ARB2A: variants seen among roughly 807,000 people sequenced by gnomAD.
The protein encoded by ARB2A is ARB2 cotranscriptional regulator A.
At chr5:93,982,243 A>G in the ARB2A span, among the ~76,000 whole-genome samples, 3 of 152,152 alleles carry the variant, frequency 2.0e-5, no homozygotes, top group Non-Finnish European at 4.4e-5. Flanking sequence ...GAGTTTCAAA[A>G]TTAAATTAAA....
the ARB2A span, chr5:93,620,629 C>T: frequency 1.4e-4 from 26 of 191,326 alleles, no homozygotes; most frequent in African/African-American, 5.8e-4. Flanking sequence ...TCCGCTACGG[C>T]GGGCGCTAGG....
the ARB2A span, among the ~76,000 whole-genome samples, chr5:93,685,941 C>T: frequency 1.3e-5 from 2 of 152,114 alleles, no homozygotes; most frequent in African/African-American, 4.8e-5. Flanking sequence ...GAAAGAAATA[C>T]TAAACAAATA....
the ARB2A span, among the ~76,000 whole-genome samples, chr5:93,732,343 C>T: frequency 6.6e-6 from 1 of 152,132 alleles, no homozygotes; most frequent in Non-Finnish European, 1.5e-5. Flanking sequence ...AAAGAAGATT[C>T]TACTGTGTTA....
At chr5:93,791,816 C>T in the ARB2A span, among the ~76,000 whole-genome samples, 12 of 152,228 alleles carry the variant, frequency 7.9e-5, no homozygotes, top group South Asian at 2.3e-3. Flanking sequence ...TTTATTATTG[C>T]AGGCGGCCAG....
chr5:93,927,890 A>G, the ARB2A span, among the ~76,000 whole-genome samples: 1 of 152,176 alleles, frequency 6.6e-6, no homozygotes, highest in Non-Finnish European at 1.5e-5. Context: ...CTGATATCCA[A>G]TTATCAAATA....
At chr5:93,674,968 C>G in the ARB2A span, among the ~76,000 whole-genome samples, 1 of 152,234 alleles carries the variant, frequency 6.6e-6, no homozygotes, top group East Asian at 1.9e-4. Flanking sequence ...ATTTATGTCT[C>G]TTGGTTCAAA....
the ARB2A span, among the ~76,000 whole-genome samples, chr5:93,846,452 T>C: frequency 6.6e-6 from 1 of 151,840 alleles, no homozygotes; most frequent in African/African-American, 2.4e-5. Context: ...CAGAGAGCTA[T>C]GATTGTGTCA....
chr5:93,855,018 A>C, the ARB2A span, among the ~76,000 whole-genome samples: 1 of 152,030 alleles, frequency 6.6e-6, no homozygotes, highest in Non-Finnish European at 1.5e-5. Context: ...ATCCTTGTTA[A>C]CTTTCTGTCT....
the ARB2A span, among the ~76,000 whole-genome samples, chr5:94,043,303 T>C: frequency 6.6e-6 from 1 of 152,336 alleles, no homozygotes; most frequent in Non-Finnish European, 1.5e-5. Flanking sequence ...CGTTTTACAG[T>C]CAAGAAAACT....
At chr5:93,736,327 T>G in the ARB2A span, 4 of 152,234 alleles carry the variant, frequency 2.6e-5, no homozygotes, top group East Asian at 5.8e-4. Flanking sequence ...TGTTACAATT[T>G]GTTTATAATT....
the ARB2A span, among the ~76,000 whole-genome samples, chr5:93,935,817 G>A: frequency 1.3e-5 from 2 of 152,068 alleles, no homozygotes; most frequent in Non-Finnish European, 2.9e-5. Context: ...AGTTCAAAAT[G>A]ATTTAGAATT....
At chr5:93,790,046 C>T in the ARB2A span, among the ~76,000 whole-genome samples, 2 of 152,186 alleles carry the variant, frequency 1.3e-5, no homozygotes, top group South Asian at 4.1e-4. Flanking sequence ...AAGTTAAGTG[C>T]AATAGTTAAA....
chr5:93,921,057 C>G, the ARB2A span, among the ~76,000 whole-genome samples: 1 of 145,346 alleles, frequency 6.9e-6, no homozygotes, highest in Non-Finnish European at 1.5e-5. Context: ...CATGACATTA[C>G]AAGAAAAAGT....
At chr5:93,658,916 A>G in the ARB2A span, among the ~76,000 whole-genome samples, 1 of 148,564 alleles carries the variant, frequency 6.7e-6, no homozygotes, top group South Asian at 2.2e-4. Flanking sequence ...CTGTAGGGTG[A>G]CCAAAGGAAG....
chr5:93,896,527 A>G, the ARB2A span, among the ~76,000 whole-genome samples: 1 of 152,108 alleles, frequency 6.6e-6, no homozygotes, highest in Non-Finnish European at 1.5e-5. Flanking sequence ...ATATGCAAAT[A>G]CTGCAAAATC....
the ARB2A span, chr5:93,741,405 C>A: frequency 5.3e-5 from 85 of 1,613,276 alleles, no homozygotes; most frequent in Non-Finnish European, 6.1e-5. Flanking sequence ...CTGGGCAGAT[C>A]CCTGGCCTGA....
chr5:93,659,003 T>G, the ARB2A span, among the ~76,000 whole-genome samples: 2 of 152,012 alleles, frequency 1.3e-5, no homozygotes, highest in African/African-American at 4.8e-5. Flanking sequence ...AAAAACAATT[T>G]TATATGTCTT....
chr5:93,962,253 A>G, the ARB2A span, among the ~76,000 whole-genome samples: 12 of 152,340 alleles, frequency 7.9e-5, no homozygotes, highest in Non-Finnish European at 1.5e-4. Flanking sequence ...TCATTGTGGA[A>G]TACTCGTGAA....
At chr5:93,893,964 C>T in the ARB2A span, among the ~76,000 whole-genome samples, 1 of 152,266 alleles carries the variant, frequency 6.6e-6, no homozygotes, top group Admixed American at 6.5e-5. Context: ...TTCTAATAGG[C>T]ACTCAGCAGC....
Sources: gnomAD v4.1 joint callset for allele counts (sites outside exome capture counted in the v4.1 genomes callset) on GRCh38, gnomAD v4.1.1 for gene constraint, MANE v1.5 for transcripts, NCBI Gene and HGNC (gene_info 2026-07-23, HGNC 2026-07-21) for gene names.